Variants in TMCO6 observed in about 807,000 individuals in gnomAD.
The protein encoded by TMCO6 is transmembrane and coiled-coil domain-containing protein 6.
A neutral mutation model predicts 61.8 loss-of-function variants in TMCO6; 47 were observed. The ratio of observed to expected loss-of-function variants is 0.76; its 90% CI spans 0.60 to 0.97. The LOEUF is 0.97. Among genes scored for constraint, TMCO6 ranks in the 50% least tolerant of loss-of-function variants. The probability of loss-of-function intolerance (pLI) is 0.00; values close to 1 mark genes in which losing one functional copy is unlikely to be tolerated. For synonymous variants in TMCO6, 261 were observed against 254.2 expected (o/e 1.03, Z -0.25); for missense variants, 557 against 601.6 (o/e 0.93, Z 0.78).
chr5:140,643,965 T>G lies in TMCO6; in HGVS notation c.1104T>G (p.Thr368=), dbSNP rs770579926. ...GCCTTTGGCTCCTCAACAACCTCAC[T>G]GGTACGCACCATAATCTGCCCAGGC... is the stretch of plus-strand genomic sequence containing the variant. ...PEGLWLLNNL[T]ANSPSFCTSL... Residue 368 remains threonine (T), a splice_region_variant and synonymous_variant, in exon 9 of 12, where the codon ACT becomes ACG. Transcript: ENST00000394671. 3 of 1,614,162 alleles carry G rather than the reference T, an allele frequency of 1.9e-6. No individual in the cohort carries two copies. The highest frequency in any genetic ancestry group is 2.5e-6 in the Non-Finnish European group (3 of 1,180,006).
At chr5:140,611,285 G>T in the TMCO6 span, among the ~76,000 whole-genome samples, 2 of 152,100 alleles carry the variant, frequency 1.3e-5, no homozygotes, top group Non-Finnish European at 2.9e-5. Context: ...GCAGCTACAG[G>T]CATACTTCCC....
chr5:140,614,480 C>T, the TMCO6 span, among the ~76,000 whole-genome samples: 12 of 151,848 alleles, frequency 7.9e-5, no homozygotes, highest in African/African-American at 2.9e-4. Flanking sequence ...TGTACTCCAG[C>T]CTGGGTGGGC....
In TMCO6 at chr5:140,642,945, T is replaced by C. The variant is rs769270415; in HGVS notation, c.710T>C (p.Leu237Pro). 107 of 1,614,032 alleles carry C rather than the reference T, an allele frequency of 6.6e-5. No homozygotes were observed. Among genetic ancestry groups the C allele is most frequent in the Non-Finnish European group, 8.7e-5 (103 of 1,180,028 alleles). Reference sequence around the variant, plus strand: ...AGCAGCTCCATCTTGGCCTCCACTCTCCCTCAGCACATGCTACAAATGTTG... The same window carrying C: ...AGCAGCTCCATCTTGGCCTCCACTCCCCCTCAGCACATGCTACAAATGTTG... ...KIIPSILAST[L>P]PQHMLQMLQP... The change falls in exon 7 of 12, where the codon CTC (leucine) becomes CCC (proline). Residue 237 changes from leucine to proline, a missense_variant. Leu to Pro is a moderately conservative substitution (Grantham distance 98). Transcript: ENST00000394671.
the TMCO6 span, among the ~76,000 whole-genome samples, chr5:140,602,442 T>A: frequency 1.3e-5 from 2 of 152,148 alleles, no homozygotes; most frequent in South Asian, 4.1e-4. Flanking sequence ...TTAATTGAGG[T>A]GAAATTCATG....
chr5:140,600,741 G>A, the TMCO6 span, among the ~76,000 whole-genome samples: 1 of 152,108 alleles, frequency 6.6e-6, no homozygotes, highest in South Asian at 2.1e-4. Flanking sequence ...TGGGATTACA[G>A]GTGTGAACCA....
the TMCO6 span, chr5:140,633,099 C>CTCCG: frequency 6.2e-7 from 1 of 1,613,964 alleles, no homozygotes; most frequent in African/African-American, 1.3e-5. Flanking sequence ...AACCTCTGAG[C>CTCCG]TCCGGACAGG....
chr5:140,604,853 T>C, the TMCO6 span, among the ~76,000 whole-genome samples: 1 of 151,602 alleles, frequency 6.6e-6, no homozygotes, highest in Non-Finnish European at 1.5e-5. Context: ...CTTTTTTCCA[T>C]TGAATAATCT....
chr5:140,607,005 T>A, the TMCO6 span, among the ~76,000 whole-genome samples: 38,256 of 148,218 alleles, frequency 0.26, 5,112 homozygotes, highest in South Asian at 0.3. Context: ...AAAAAAATAA[T>A]AATAATAATA....
chr5:140,633,981 G>C, the TMCO6 span, among the ~76,000 whole-genome samples: 4 of 151,814 alleles, frequency 2.6e-5, no homozygotes, highest in Admixed American at 2.0e-4. Flanking sequence ...GTAGAGACAG[G>C]TTTTCATCAT....
chr5:140,628,211 AC>A, the TMCO6 span, among the ~76,000 whole-genome samples: 4 of 151,692 alleles, frequency 2.6e-5, no homozygotes, highest in African/African-American at 9.7e-5. Context: ...GAAACCTATC[AC>A]AACTTACACA....
At chr5:140,598,444 A>G in the TMCO6 span, among the ~76,000 whole-genome samples, 1 of 152,216 alleles carries the variant, frequency 6.6e-6, no homozygotes, top group Non-Finnish European at 1.5e-5. Context: ...GAGGATGACA[A>G]TGCAACGTGG....
chr5:140,646,895 C>G (rs1241206342), downstream of TMCO6, among the ~76,000 whole-genome samples: 1 of 152,170 alleles, frequency 6.6e-6, no homozygotes, highest in Non-Finnish European at 1.5e-5. Flanking sequence ...CAGGGCCCAG[C>G]TCTATGTGCA....
chr5:140,638,545 A>ATTTC (rs200557077), upstream of TMCO6, among the ~76,000 whole-genome samples: 4 of 147,306 alleles, frequency 2.7e-5, no homozygotes, highest in East Asian at 3.9e-4. Context: ...CATATCCCAG[A>ATTTC]TTTCTTTCTT....
the TMCO6 span, among the ~76,000 whole-genome samples, chr5:140,624,402 A>G: frequency 6.6e-6 from 1 of 152,012 alleles, no homozygotes; most frequent in South Asian, 2.1e-4. Flanking sequence ...TAAAGTATTC[A>G]ATTTAGTGGT....
the TMCO6 span, among the ~76,000 whole-genome samples, chr5:140,614,278 G>A: frequency 6.6e-6 from 1 of 152,256 alleles, no homozygotes; most frequent in African/African-American, 2.4e-5. Flanking sequence ...GGAGGTTGAG[G>A]AGGGCATATA....
At chr5:140,644,935 G>A (rs1317140926) in intron 11 of TMCO6, 50 bp from the exon 12 acceptor site, 45 of 1,589,950 alleles carry the variant, frequency 2.8e-5, no homozygotes, top group Non-Finnish European at 3.5e-5. Flanking sequence ...TGGGAATTGA[G>A]TCTTAGGACA....
rs140606527 is a variant in TMCO6, at chr5:140,641,411, T to C, written c.199-254T>C. On this transcript the variant is annotated intron_variant, in intron 2 of 11. Transcript: ENST00000394671. The stretch of plus-strand genomic sequence containing the variant: ...ACCCTGTATGAAGGCAGGATAGATA[T>C]TGTTATTCTCATTTTCAGGTGAGGA... 1.4e-4 allele frequency: 70 copies of C among 486,116 alleles called. 2 individuals are homozygous for C. Among genetic ancestry groups the C allele is most frequent in the African/African-American group, 9.8e-4 (51 of 51,786 alleles). The allele number at this position is 486,116 out of a possible 1,614,324, so 30.1% of individuals were successfully genotyped here. A position where few individuals can be genotyped will look rare whatever the true frequency, so the allele number is the denominator to read the frequency against.
the TMCO6 span, among the ~76,000 whole-genome samples, chr5:140,614,913 A>G: frequency 6.6e-6 from 1 of 152,186 alleles, no homozygotes; most frequent in East Asian, 1.9e-4. Context: ...AAGTACTTTC[A>G]ATACTTCTTT....
chr5:140,632,434 C>T, the TMCO6 span: 3 of 1,614,086 alleles, frequency 1.9e-6, no homozygotes, highest in African/African-American at 4.0e-5. This position sits in a 1 kb window ranked among gnomAD's most constrained non-coding sequence, Gnocchi z 6.2. Context: ...CAGGAAAAGG[C>T]AGGCGAGTGT....
Sources: gnomAD v4.1 joint callset for allele counts (sites outside exome capture counted in the v4.1 genomes callset) on GRCh38, gnomAD v4.1.1 for gene constraint, Gnocchi (gnomAD v3.1) non-coding constraint, MANE v1.5 for transcripts, NCBI Gene and HGNC (gene_info 2026-07-23, HGNC 2026-07-21) for gene names.